The following TENM3 variants were observed in gnomAD, a reference collection of about 807,000 sequenced individuals.
TENM3 encodes teneurin transmembrane protein 3, also known as teneurin-3.
A neutral mutation model predicts 255.1 loss-of-function variants in TENM3; 63 were observed. That is an observed-to-expected ratio of 0.25 (90% CI 0.20 to 0.30). The LOEUF (loss-of-function observed/expected upper bound fraction) is 0.30. Ranked by LOEUF, TENM3 falls within the 10% of genes least tolerant of loss-of-function variation. The pLI, the probability that TENM3 is intolerant of heterozygous loss-of-function variation, is 1.00. For missense variants in TENM3, 2,929 were observed against 3,461.1 expected (o/e 0.85, Z 3.86); for synonymous variants, 1,306 against 1,322.3 (o/e 0.99, Z 0.27).
the TENM3 span, among the ~76,000 whole-genome samples, chr4:181,880,870 G>T: frequency 6.6e-6 from 1 of 152,102 alleles, no homozygotes; most frequent in Non-Finnish European, 1.5e-5. Flanking sequence ...CTCCTCCTAT[G>T]ACCAACTTCC....
At chr4:181,945,659 C>T in the TENM3 span, among the ~76,000 whole-genome samples, 4 of 151,938 alleles carry the variant, frequency 2.6e-5, no homozygotes, top group Admixed American at 6.6e-5. Context: ...ATCAATGAAA[C>T]GAAGCAGTTA....
At chr4:182,030,055 G>GTTC in the TENM3 span, among the ~76,000 whole-genome samples, 1 of 118,672 alleles carries the variant, frequency 8.4e-6, no homozygotes, top group Non-Finnish European at 1.7e-5. Flanking sequence ...ATGCATCTTT[G>GTTC]TTGTTGTTGT....
the TENM3 span, among the ~76,000 whole-genome samples, chr4:182,042,738 T>C: frequency 6.6e-6 from 1 of 152,198 alleles, no homozygotes; most frequent in Non-Finnish European, 1.5e-5. Context: ...ATTAAGTTTT[T>C]AAAATGATGT....
the TENM3 span, among the ~76,000 whole-genome samples, chr4:181,479,085 G>C: frequency 2.0e-5 from 3 of 152,158 alleles, no homozygotes; most frequent in Non-Finnish European, 4.4e-5. Context: ...ACTTGGTGTT[G>C]TTTGCCATCC....
At chr4:181,452,404 G>A in the TENM3 span, among the ~76,000 whole-genome samples, 1 of 152,154 alleles carries the variant, frequency 6.6e-6, no homozygotes, top group Non-Finnish European at 1.5e-5. Flanking sequence ...GGAGCTGGTA[G>A]GAGGTAATGG....
At chr4:182,593,904 A>T (rs993862696) in intron 3 of TENM3, among the ~76,000 whole-genome samples, 1 of 152,128 alleles carries the variant, frequency 6.6e-6, no homozygotes, top group East Asian at 1.9e-4. Context: ...CAAGGCTGTA[A>T]ACCAGGGAGG....
the TENM3 span, among the ~76,000 whole-genome samples, chr4:181,574,187 C>T: frequency 0.23 from 34,538 of 152,148 alleles, 4,059 homozygotes; most frequent in Middle Eastern, 0.27. Context: ...CTAGTCACTT[C>T]ACTTGAGGTC....
At position 182,799,563 on chromosome 4, in the gene TENM3, T is replaced by G; in HGVS notation, c.7345-33T>G. ...AGGAGTGGGGAGGCTCCCGGCCGCC[T>G]CTGACGCGCCCCCTCTTTTGTTTCG... On this transcript the variant is annotated intron_variant, in intron 27 of 27. Coordinates refer to ENST00000511685, the MANE Select transcript of TENM3 (RefSeq NM_001080477.4). This position sits in a 1 kb window ranked among gnomAD's most constrained non-coding sequence, Gnocchi z 4.2. The G allele has an allele frequency of 2.0e-6, 3 of 1,526,722 alleles. No homozygotes were observed. The highest frequency in any genetic ancestry group is 2.8e-5 in the African/African-American group (2 of 72,420). The allele number at this position is 1,526,722 out of a possible 1,614,324, so 94.6% of individuals were successfully genotyped here.
chr4:181,762,826 A>T, the TENM3 span, among the ~76,000 whole-genome samples: 1 of 152,206 alleles, frequency 6.6e-6, no homozygotes, highest in East Asian at 1.9e-4. Flanking sequence ...TCTTGATTAG[A>T]TTTTAGTTCT....
chr4:181,619,531 C>T, the TENM3 span, among the ~76,000 whole-genome samples: 1 of 152,134 alleles, frequency 6.6e-6, no homozygotes, highest in Non-Finnish European at 1.5e-5. Context: ...AAGCAATTCT[C>T]TTGCCTCAGC....
At chr4:182,415,050 G>A (rs1770270492) in intron 3 of TENM3, among the ~76,000 whole-genome samples, 1 of 152,190 alleles carries the variant, frequency 6.6e-6, no homozygotes, top group Non-Finnish European at 1.5e-5. Context: ...ACACTAATAG[G>A]TGACACACTG....
At chr4:182,460,659 T>G (rs982198319) in intron 3 of TENM3, among the ~76,000 whole-genome samples, 2 of 152,214 alleles carry the variant, frequency 1.3e-5, no homozygotes, top group Non-Finnish European at 2.9e-5. Flanking sequence ...TGACATTATT[T>G]CATATGCTAT....
At chr4:181,510,312 GA>G in the TENM3 span, among the ~76,000 whole-genome samples, 33 of 147,836 alleles carry the variant, frequency 2.2e-4, no homozygotes, top group East Asian at 7.9e-4. Context: ...CGAACAAGTA[GA>G]AAAAAAAAAT....
the TENM3 span, among the ~76,000 whole-genome samples, chr4:182,064,393 A>G: frequency 6.6e-6 from 1 of 152,072 alleles, no homozygotes; most frequent in Non-Finnish European, 1.5e-5. Flanking sequence ...CCTGGCTAAC[A>G]TGGTGAAACC....
intron 12 of TENM3, among the ~76,000 whole-genome samples, chr4:182,702,835 G>T (rs1757991159): frequency 6.6e-6 from 1 of 151,812 alleles, no homozygotes; most frequent in Non-Finnish European, 1.5e-5. Flanking sequence ...CCTCCCGGGT[G>T]CAGCCATTCT....
chr4:181,526,014 A>G, the TENM3 span, among the ~76,000 whole-genome samples: 1 of 152,240 alleles, frequency 6.6e-6, no homozygotes, highest in Non-Finnish European at 1.5e-5. Flanking sequence ...CACGTTTTCT[A>G]GAATCTCTCA....
chr4:181,699,472 A>AAAAAAT, the TENM3 span, among the ~76,000 whole-genome samples: 1 of 133,052 alleles, frequency 7.5e-6, no homozygotes, highest in Non-Finnish European at 1.6e-5. Flanking sequence ...AAAAAAAAAA[A>AAAAAAT]GAAAGAAAGA....
intron 3 of TENM3, among the ~76,000 whole-genome samples, chr4:182,592,748 AC>A (rs1417487368): frequency 6.6e-6 from 1 of 152,180 alleles, no homozygotes; most frequent in African/African-American, 2.4e-5. Context: ...ATATACAAAA[AC>A]AAAAAGTTTT....
chr4:182,038,353 T>C, the TENM3 span, among the ~76,000 whole-genome samples: 1 of 152,162 alleles, frequency 6.6e-6, no homozygotes. Context: ...GATTTCAAAT[T>C]ATTATTAAAT....
Sources: gnomAD v4.1 joint callset for allele counts (sites outside exome capture counted in the v4.1 genomes callset) on GRCh38, gnomAD v4.1.1 for gene constraint, Gnocchi (gnomAD v3.1) non-coding constraint, MANE v1.5 for transcripts, NCBI Gene and HGNC (gene_info 2026-07-23, HGNC 2026-07-21) for gene names.